The following TMEM94 variants were observed in gnomAD, a reference collection of about 807,000 sequenced individuals.
TMEM94 encodes transmembrane protein 94.
TMEM94 carries 81 observed loss-of-function variants against 158.6 expected under a neutral mutation model. That is an observed-to-expected ratio of 0.51 (90% confidence interval 0.43 to 0.61). The LOEUF is 0.61. Among genes scored for constraint, TMEM94 ranks in the 20% least tolerant of loss-of-function variants. The pLI, the probability that TMEM94 is intolerant of heterozygous loss-of-function variation, is 0.00. For synonymous variants in TMEM94, 751 were observed against 730.7 expected, an observed-to-expected ratio of 1.03 and a Z score of -0.45; for missense variants, 1,435 against 1,762.0, an observed-to-expected ratio of 0.81 and a Z score of 3.32.
intron 1 of TMEM94, among the ~76,000 whole-genome samples, 197 bp from the exon 2 acceptor site, chr17:75,471,603 C>G (rs1405395509): frequency 6.6e-6 from 1 of 152,036 alleles, no homozygotes; most frequent in African/African-American, 2.4e-5. Flanking sequence ...CGCCTGTCAT[C>G]CCAGCTACTC....
chr17:75,490,383 C>A (rs1345034440), intron 10 of TMEM94, 33 bp downstream of exon 10: 1 of 1,600,960 alleles, frequency 6.2e-7, no homozygotes, highest in Admixed American at 1.7e-5. Flanking sequence ...GGGGAAGTCA[C>A]AGGAACAAAA....
At chr17:75,465,675 A>ATTTTTTTTTTTTTTTT (rs2050280339) in intron 1 of TMEM94, among the ~76,000 whole-genome samples, 1 of 77,118 alleles carries the variant, frequency 1.3e-5, no homozygotes, top group African/African-American at 4.9e-5. Flanking sequence ...ATATATATAT[A>ATTTTTTTTTTTTTTTT]TATATTTTTT....
intron 2 of TMEM94, 26 bp downstream of exon 2, chr17:75,471,955 G>C (rs1483599041): frequency 9.3e-6 from 15 of 1,611,996 alleles, no homozygotes; most frequent in Non-Finnish European, 1.3e-5. Context: ...TTACCTTATA[G>C]GTATTGTCTG....
chr17:75,462,002 TTTTGTTTTG>T (rs1219798777), intron 1 of TMEM94, among the ~76,000 whole-genome samples: 5 of 26,226 alleles, frequency 1.9e-4, no homozygotes, highest in Middle Eastern at 0.026. Context: ...TTTTGTTTTG[TTTTGTTTTG>T]TTTTTTTTTT....
At chr17:75,468,313 T>C (rs564862890) in intron 1 of TMEM94, among the ~76,000 whole-genome samples, 30 of 152,370 alleles carry the variant, frequency 2.0e-4, no homozygotes, top group African/African-American at 7.0e-4. Flanking sequence ...CTGCCCTCTC[T>C]GTACTGCTGT....
Position 75,456,708 on chromosome 17 carries a change from G to C in TMEM94, c.-150G>C, listed in dbSNP as rs897192225. 1.3e-5 allele frequency: 2 copies of C among 152,340 alleles called. No individual in the cohort carries two copies. The highest frequency in any genetic ancestry group is 3.2e-3 in the Middle Eastern group (1 of 316). 9.4% of individuals were successfully genotyped at this position (152,340 alleles called of 1,614,324 possible). On this transcript the variant is annotated 5_prime_UTR_variant, in exon 1 of 32. Coordinates refer to ENST00000314256, the MANE Select transcript of TMEM94 (RefSeq NM_014738.6). ...GGACGTGAAGTGAGGAGGGGGTTGG[G>C]AGGGGAGAGGACGCGGGCGAGGAAG...
In TMEM94 at chr17:75,463,176, G is replaced by GTATATATATATA. The variant is rs1377936337; in HGVS notation, c.-107+6426_-107+6427insATATATATATAT. ...CGTATATATATGTGTGTGTGTGTGT[G>GTATATATATATA]TGTATATATATATATATATATACAG... On this transcript the variant is annotated intron_variant, in intron 1 of 31. Transcript: ENST00000314256. 6.0e-3 allele frequency among the ~76,000 whole-genome samples: 54 copies of GTATATATATATA among 9,052 alleles called. 5 individuals carry two copies. The highest frequency in any genetic ancestry group is 0.026 in the African/African-American group (36 of 1,400). 5.9% of individuals were successfully genotyped at this position (9,052 alleles called of 152,430 possible).
Position 75,493,112 on chromosome 17 carries a change from G to A in TMEM94, c.2086+10G>A. The A allele has an allele frequency of 6.2e-7, 1 of 1,611,600 alleles. No homozygotes were observed. Among genetic ancestry groups the A allele is most frequent in the South Asian group, 1.1e-5 (1 of 90,980 alleles). On this transcript the variant is annotated intron_variant, in intron 16 of 31. Transcript: ENST00000314256. ...AAAGACACCACCACCAGTGAGCCCTGGCTACGTTGGCCAGCACCAGGCGAG... is the reference window on the plus strand; with the variant it reads ...AAAGACACCACCACCAGTGAGCCCTAGCTACGTTGGCCAGCACCAGGCGAG...
In TMEM94 at chr17:75,489,379, C is replaced by T. The variant is rs929394144; in HGVS notation, c.867+11C>T. ...GTGCCCGTGGTCCTGGTGCGTGTGG[C>T]GGGGCTGTGCGGGGCTGCATGGGGC... On this transcript the variant is annotated intron_variant, in intron 8 of 31. Transcript: ENST00000314256. The surrounding 1 kb of genome is among the most constrained non-coding windows in gnomAD (Gnocchi z 5.0). 3.7e-6 allele frequency: 6 copies of T among 1,609,300 alleles called. No homozygotes were observed. The highest frequency in any genetic ancestry group is 1.7e-5 in the Admixed American group (1 of 59,996).
rs1183351668 is a variant in TMEM94, at chr17:75,489,885, C to T, written c.954+223C>T. 44 of 592,322 alleles carry T rather than the reference C, an allele frequency of 7.4e-5. No individual in the cohort carries two copies. Among genetic ancestry groups the T allele is most frequent in the Non-Finnish European group, 1.1e-4 (37 of 331,204 alleles). The allele number at this position is 592,322 out of a possible 1,614,324, so 36.7% of individuals were successfully genotyped here. ...CATGAGGTCAAGAGATCGAGACCAT[C>T]CTGGCCAATATGGTGAAACCCCGTC... On this transcript the variant is annotated intron_variant, in intron 9 of 31. Transcript: ENST00000314256. The surrounding 1 kb of genome is among the most constrained non-coding windows in gnomAD (Gnocchi z 5.0).
intron 2 of TMEM94, among the ~76,000 whole-genome samples, chr17:75,472,285 T>C (rs965650438): frequency 2.0e-5 from 3 of 152,236 alleles, no homozygotes; most frequent in Admixed American, 6.5e-5. Context: ...CTGAGGGCTA[T>C]TGGGCACCTC....
rs764955479 is a variant in TMEM94 at position 75,498,399 on chromosome 17, T to G, written c.3639-45T>G. On this transcript the variant is annotated intron_variant, in intron 28 of 31. Transcript: ENST00000314256. The surrounding 1 kb of genome is among the most constrained non-coding windows in gnomAD (Gnocchi z 6.7). ...TCCTCCCTCCCCACCCCAGCCTACC[T>G]CCCTGCGGCCCTAGAGGGGCTGAGC... 1 of 1,608,842 alleles carries G rather than the reference T, an allele frequency of 6.2e-7. No homozygotes were observed. The highest frequency in any genetic ancestry group is 1.1e-5 in the South Asian group (1 of 90,598).
intron 24 of TMEM94, 59 bp from the exon 25 acceptor site, chr17:75,496,671 G>A: frequency 2.6e-6 from 4 of 1,547,666 alleles, no homozygotes; most frequent in Admixed American, 1.7e-5. Flanking sequence ...TGTGTCAGCT[G>A]TTGGGCCTGG....
chr17:75,495,224 G>A lies in TMEM94; in HGVS notation c.2729-60G>A, dbSNP rs1298752552. ...ACACAGGCAAAAAATTCTCTGCAGG[G>A]CAAGGACAGGTTCCCAGAAGGCTGG... On this transcript the variant is annotated intron_variant, in intron 20 of 31. Coordinates refer to ENST00000314256, the MANE Select transcript of TMEM94 (RefSeq NM_014738.6). The surrounding 1 kb of genome is among the most constrained non-coding windows in gnomAD (Gnocchi z 5.6). 1.4e-6 allele frequency: 2 copies of A among 1,453,552 alleles called. No individual in the cohort carries two copies. The highest frequency in any genetic ancestry group is 1.4e-5 in the African/African-American group (1 of 70,820). The allele number at this position is 1,453,552 out of a possible 1,614,324, so 90.0% of individuals were successfully genotyped here.
chr17:75,469,432 C>T (rs2050419868), intron 1 of TMEM94, among the ~76,000 whole-genome samples: 2 of 151,386 alleles, frequency 1.3e-5, no homozygotes, highest in Admixed American at 1.3e-4. Flanking sequence ...GGAACCTCTG[C>T]CTCCCAGGCT....
In TMEM94 at chr17:75,489,761, A is replaced by G; in HGVS notation, c.954+99A>G. 3 of 1,032,646 alleles carry G rather than the reference A, an allele frequency of 2.9e-6. No individual in the cohort carries two copies. Among genetic ancestry groups the G allele is most frequent in the Non-Finnish European group, 4.5e-6 (3 of 670,986 alleles). 64.0% of individuals were successfully genotyped at this position (1,032,646 alleles called of 1,614,324 possible). A position where few individuals can be genotyped will look rare whatever the true frequency, so the allele number is the denominator to read the frequency against. The stretch of plus-strand genomic sequence containing the variant: ...CTGTCCCTCCCTCTCTGCAGCCCAG[A>G]GGTCCCCTCACGCTTCAGCTTAAGA... On this transcript the variant is annotated intron_variant, in intron 9 of 31. Coordinates refer to ENST00000314256, the MANE Select transcript of TMEM94 (RefSeq NM_014738.6). This position sits in a 1 kb window ranked among gnomAD's most constrained non-coding sequence, Gnocchi z 5.0.
intron 24 of TMEM94, 25 bp downstream of exon 24, chr17:75,496,496 G>C (rs776852317): frequency 6.2e-7 from 1 of 1,606,494 alleles, no homozygotes; most frequent in Non-Finnish European, 8.5e-7. Flanking sequence ...AGGCAAAGGA[G>C]GAGAGACGCA....
chr17:75,465,251 A>C (rs570307427), intron 1 of TMEM94, among the ~76,000 whole-genome samples: 1 of 151,988 alleles, frequency 6.6e-6, no homozygotes, highest in African/African-American at 2.4e-5. Context: ...GCCTCAAGTC[A>C]TCCTCCCCCG....
chr17:75,494,852 C>T (rs757715783), intron 19 of TMEM94, 44 bp downstream of exon 19: 48 of 1,612,480 alleles, frequency 3.0e-5, no homozygotes, highest in African/African-American at 5.3e-5. Flanking sequence ...TCTGTTTCCA[C>T]GGGCTTTTGG....
Sources: allele counts gnomAD v4.1 joint callset (sites outside exome capture counted in the v4.1 genomes callset), GRCh38; gene constraint gnomAD v4.1.1; non-coding constraint Gnocchi (gnomAD v3.1); transcripts MANE v1.5; gene names NCBI Gene and HGNC (gene_info 2026-07-23, HGNC 2026-07-21).